The following ACYP2 variants were observed in gnomAD, a reference collection of about 807,000 sequenced individuals.
ACYP2 encodes the protein acylphosphatase 2.
In ACYP2, 12 loss-of-function variants were observed where a neutral mutation model predicts 11.2. The ratio of observed to expected loss-of-function variants is 1.08; its 90% CI spans 0.69 to 1.74. ACYP2 has a LOEUF of 1.74. ACYP2 is among the 40% of genes most tolerant of loss of function. The probability of loss-of-function intolerance (pLI) is 0.00; values close to 1 mark genes in which losing one functional copy is unlikely to be tolerated. For synonymous variants in ACYP2, 43 were observed against 32.2 expected, an observed-to-expected ratio of 1.33 and a Z score of -1.13; for missense variants, 134 against 101.9, an observed-to-expected ratio of 1.31 and a Z score of -1.35.
rs116800639 is a variant in ACYP2 at position 54,256,427 on chromosome 2, G to C, written c.405-48261G>C. Among the ~76,000 whole-genome samples the C allele has an allele frequency of 7.8e-3, 1,193 of 152,268 alleles. 15 individuals carry two copies. The highest frequency in any genetic ancestry group is 0.028 in the African/African-American group (1,148 of 41,540). On this transcript the variant is annotated intron_variant, in intron 6 of 6. Coordinates refer to ENST00000607452, the MANE Select transcript of ACYP2 (RefSeq NM_001320586.2). The stretch of plus-strand genomic sequence containing the variant: ...GCATTTAGCCAAAGTCTAATGAGCT[G>C]AGAACCTTCTCATGTGTTTGTTGGC...
intron 4 of ACYP2, among the ~76,000 whole-genome samples, chr2:54,103,750 T>C (rs1288616648): frequency 6.6e-6 from 1 of 152,218 alleles, no homozygotes; most frequent in African/African-American, 2.4e-5. Context: ...ATAGGAAATA[T>C]TAGAGAATAG....
In ACYP2 at chr2:54,255,157, C is replaced by T. The variant is rs770223555; in HGVS notation, c.405-49531C>T. 6 of 1,614,032 alleles carry T rather than the reference C, an allele frequency of 3.7e-6. No homozygotes were observed. Among genetic ancestry groups the T allele is most frequent in the African/African-American group, 1.3e-5 (1 of 74,906 alleles). ...AATGAAGGACTGGGGTCCATGGCCC[C>T]GGCGCCACATGATTAGAGTGGAAAA... On this transcript the variant is annotated intron_variant, in intron 6 of 6. Coordinates refer to ENST00000607452, the MANE Select transcript of ACYP2 (RefSeq NM_001320586.2).
intron 2 of ACYP2, among the ~76,000 whole-genome samples, chr2:53,989,831 C>T (rs1053409188): frequency 1.3e-5 from 2 of 152,080 alleles, no homozygotes; most frequent in African/African-American, 4.8e-5. Context: ...ATGTCAAATA[C>T]TAGAGATGTC....
Position 54,304,919 on chromosome 2 carries a change from A to C in ACYP2, c.*117A>C. 3 of 495,762 alleles carry C rather than the reference A, an allele frequency of 6.1e-6. No individual in the cohort carries two copies. Among genetic ancestry groups the C allele is most frequent in the Non-Finnish European group, 6.9e-6 (2 of 291,622 alleles). 30.7% of individuals were successfully genotyped at this position (495,762 alleles called of 1,614,324 possible). On this transcript the variant is annotated 3_prime_UTR_variant, in exon 7 of 7. Transcript: ENST00000607452. ...AAGGAACTTTCTGTTCTGAAAGCTA[A>C]GCGACTGTACGTGCTACTAAAAATG...
At chr2:54,007,855 ACT>A (rs1313912627) in intron 2 of ACYP2, among the ~76,000 whole-genome samples, 17 of 152,040 alleles carry the variant, frequency 1.1e-4, no homozygotes, top group African/African-American at 3.9e-4. Flanking sequence ...ACAGAGTGAG[ACT>A]CTGACTGAAA....
intron 6 of ACYP2, among the ~76,000 whole-genome samples, chr2:54,231,584 G>A (rs939202508): frequency 6.6e-6 from 1 of 152,150 alleles, no homozygotes; most frequent in African/African-American, 2.4e-5. Flanking sequence ...ACCTCTCTGA[G>A]TTTGTTTCCT....
intron 4 of ACYP2, among the ~76,000 whole-genome samples, chr2:54,100,217 C>CT (rs1248137469): frequency 6.6e-6 from 1 of 151,450 alleles, no homozygotes; most frequent in Admixed American, 6.6e-5. Context: ...AAAAACTACT[C>CT]TTTTCTTTCC....
chr2:54,013,651 C>A (rs1673519032), intron 2 of ACYP2, among the ~76,000 whole-genome samples: 1 of 150,012 alleles, frequency 6.7e-6, no homozygotes, highest in Non-Finnish European at 1.5e-5. Context: ...CACTTCTATA[C>A]AAATCCTTGA....
chr2:54,086,512 G>A (rs1194802462), intron 4 of ACYP2, among the ~76,000 whole-genome samples: 1 of 152,190 alleles, frequency 6.6e-6, no homozygotes, highest in East Asian at 1.9e-4. Context: ...AGAATATAAG[G>A]TATTTAGGAG....
At chr2:53,984,713 G>A (rs951911769) in intron 2 of ACYP2, among the ~76,000 whole-genome samples, 4 of 151,428 alleles carry the variant, frequency 2.6e-5, no homozygotes, top group Non-Finnish European at 5.9e-5. Context: ...CAGGTACACA[G>A]GGCTAGTTCA....
intron 6 of ACYP2, chr2:54,141,798 C>T: frequency 2.1e-6 from 1 of 467,066 alleles, no homozygotes; most frequent in South Asian, 4.9e-5. Flanking sequence ...AGAAAACTTA[C>T]ATGATTGTGT....
At chr2:54,086,087 G>C (rs1423408286) in intron 4 of ACYP2, among the ~76,000 whole-genome samples, 1 of 152,084 alleles carries the variant, frequency 6.6e-6, no homozygotes, top group African/African-American at 2.4e-5. Context: ...GGGATTACAG[G>C]TGTGCACCAT....
intron 6 of ACYP2, among the ~76,000 whole-genome samples, chr2:54,235,236 CTATTCTCTGTTT>C: frequency 6.6e-6 from 1 of 151,684 alleles, no homozygotes; most frequent in South Asian, 2.1e-4. Context: ...AGAATGTTTC[CTATTCTCTGTTT>C]TATTCTCTGG....
intron 6 of ACYP2, among the ~76,000 whole-genome samples, chr2:54,168,283 C>G (rs1683085352): frequency 6.6e-6 from 1 of 151,874 alleles, no homozygotes; most frequent in African/African-American, 2.4e-5. Context: ...AAAAATCACC[C>G]AGGCGTGGTG....
intron 6 of ACYP2, among the ~76,000 whole-genome samples, chr2:54,247,846 G>C (rs1687031222): frequency 6.6e-6 from 1 of 152,294 alleles, no homozygotes; most frequent in East Asian, 1.9e-4. Context: ...ACCACCACCT[G>C]GCTGGGTGAC....
At chr2:54,287,725 C>T (rs953527124) in intron 6 of ACYP2, among the ~76,000 whole-genome samples, 1 of 152,050 alleles carries the variant, frequency 6.6e-6, no homozygotes, top group Non-Finnish European at 1.5e-5. Flanking sequence ...ACTGAGTTTT[C>T]CCAGCATCAT....
rs554657338 is a variant in ACYP2 at position 54,201,391 on chromosome 2, C to T, written c.404+62643C>T. 3.3e-5 allele frequency among the ~76,000 whole-genome samples: 5 copies of T among 152,222 alleles called. No individual in the cohort carries two copies. The East Asian group carries it at 9.6e-4, about 29-fold the overall frequency. On this transcript the variant is annotated intron_variant, in intron 6 of 6. Transcript: ENST00000607452. ...AAGTGCTGAGATTACAGGCGTGAGCCACCACGCCTGGCTGGTTCTCTTTGT... is the reference window on the plus strand; with the variant it reads ...AAGTGCTGAGATTACAGGCGTGAGCTACCACGCCTGGCTGGTTCTCTTTGT...
chr2:54,239,115 A>C (rs1473671679), intron 6 of ACYP2, among the ~76,000 whole-genome samples: 2 of 152,170 alleles, frequency 1.3e-5, no homozygotes, highest in Non-Finnish European at 2.9e-5. Context: ...CTCAAAAGGA[A>C]TCCACAGTGT....
intron 6 of ACYP2, among the ~76,000 whole-genome samples, chr2:54,177,576 A>ATT (rs370517956): frequency 0.014 from 1,894 of 130,754 alleles, 73 homozygotes; most frequent in African/African-American, 0.05. Context: ...GATACCTACT[A>ATT]TTTTTTTTTT....
Sources: gnomAD v4.1 joint callset for allele counts (sites outside exome capture counted in the v4.1 genomes callset) on GRCh38, gnomAD v4.1.1 for gene constraint, MANE v1.5 for transcripts, NCBI Gene and HGNC (gene_info 2026-07-23, HGNC 2026-07-21) for gene names.